The following MSRA variants were observed in gnomAD, a reference collection of about 807,000 sequenced individuals.
MSRA encodes methionine sulfoxide reductase A, also known as mitochondrial peptide methionine sulfoxide reductase.
Under a neutral mutation model 31.3 loss-of-function variants are expected in MSRA, and 54 were observed. The observed-to-expected ratio is 1.73, with a 90% CI of 1.39 to 2.17. The LOEUF is 2.17. Ranked by LOEUF, MSRA falls within the 30% of genes most tolerant of loss-of-function variation. The pLI is 0.00. For missense variants in MSRA, 507 were observed against 300.9 expected, an observed-to-expected ratio of 1.69 and a Z score of -5.07; for synonymous variants, 169 against 116.5, an observed-to-expected ratio of 1.45 and a Z score of -2.90.
At chr8:10,199,016 A>G (rs878910584) in intron 1 of MSRA, among the ~76,000 whole-genome samples, 2 of 152,186 alleles carry the variant, frequency 1.3e-5, no homozygotes, top group South Asian at 2.1e-4. Flanking sequence ...CTCTTTTGAG[A>G]CTGAGCATCT....
At chr8:10,105,814 C>T (rs934833821) in intron 1 of MSRA, among the ~76,000 whole-genome samples, 4 of 152,100 alleles carry the variant, frequency 2.6e-5, no homozygotes, top group African/African-American at 9.7e-5. Flanking sequence ...ACTTATTCAC[C>T]GACTTTGCTC....
intron 3 of MSRA, among the ~76,000 whole-genome samples, chr8:10,256,623 A>G (rs1441986617): frequency 1.3e-5 from 2 of 152,174 alleles, no homozygotes; most frequent in Non-Finnish European, 2.9e-5. Context: ...CCACATAAGT[A>G]AGAAGAATTC....
chr8:10,408,206 G>A (rs546556668), intron 5 of MSRA, among the ~76,000 whole-genome samples: 2 of 152,144 alleles, frequency 1.3e-5, no homozygotes, highest in Non-Finnish European at 2.9e-5. Context: ...TCATTCATTA[G>A]CACCACTCTG....
At chr8:10,195,119 A>C (rs1406353608) in intron 1 of MSRA, among the ~76,000 whole-genome samples, 1 of 152,244 alleles carries the variant, frequency 6.6e-6, no homozygotes. Flanking sequence ...TATTTTATGC[A>C]AACTGTTAGG....
chr8:10,242,801 A>G (rs941964342), intron 2 of MSRA, among the ~76,000 whole-genome samples: 3 of 152,160 alleles, frequency 2.0e-5, no homozygotes, highest in African/African-American at 7.2e-5. Context: ...CCGCTAGTTG[A>G]AATGTTGCTT....
chr8:10,104,250 C>T (rs75954936), intron 1 of MSRA, among the ~76,000 whole-genome samples: 84 of 152,252 alleles, frequency 5.5e-4, no homozygotes, highest in African/African-American at 1.9e-3. Context: ...AGTAATGCCA[C>T]GCCATTCTCC....
chr8:10,219,972 C>G (rs1001803908), intron 2 of MSRA, among the ~76,000 whole-genome samples: 2 of 151,418 alleles, frequency 1.3e-5, no homozygotes, highest in Non-Finnish European at 2.9e-5. Flanking sequence ...CCACTGAAAG[C>G]CTAAGAAGTG....
chr8:10,136,758 C>T (rs1378145532), intron 1 of MSRA, among the ~76,000 whole-genome samples: 2 of 152,212 alleles, frequency 1.3e-5, no homozygotes, highest in South Asian at 2.1e-4. Flanking sequence ...CGGGTCCCCT[C>T]CTTGCAGGAC....
chr8:10,112,113 G>T (rs1800335252), intron 1 of MSRA, among the ~76,000 whole-genome samples: 1 of 151,556 alleles, frequency 6.6e-6, no homozygotes, highest in African/African-American at 2.4e-5. Context: ...AGTCACCTCT[G>T]ACACCCAAGT....
Position 10,285,124 on chromosome 8 carries a change from C to A in MSRA, c.332-16410C>A, listed in dbSNP as rs142439102. Among the ~76,000 whole-genome samples, 533 of 152,086 alleles carry A rather than the reference C, an allele frequency of 3.5e-3. 10 individuals are homozygous for A. Among genetic ancestry groups the A allele is most frequent in the Non-Finnish European group, 5.7e-3 (386 of 67,994 alleles). On this transcript the variant is annotated intron_variant, in intron 3 of 5. Transcript: ENST00000317173. The stretch of plus-strand genomic sequence containing the variant: ...GCAGTATGGAGCCCATTCCCTTCGT[C>A]GTGCAGTCATCACCACCATCCACTC...
At chr8:10,399,690 A>C (rs13274186) in intron 5 of MSRA, among the ~76,000 whole-genome samples, 152,315 of 152,326 alleles carry the variant, frequency 1, 76,152 homozygotes, top group Non-Finnish European at 1. Flanking sequence ...AATGGCCTAA[A>C]ACAATAGGCT....
intron 2 of MSRA, among the ~76,000 whole-genome samples, chr8:10,215,177 A>C (rs1392093109): frequency 6.6e-6 from 1 of 152,224 alleles, no homozygotes; most frequent in Non-Finnish European, 1.5e-5. Flanking sequence ...AACTTCTCCC[A>C]TTTCGGTTGT....
chr8:10,175,514 T>C (rs183389885), intron 1 of MSRA, among the ~76,000 whole-genome samples: 37 of 152,316 alleles, frequency 2.4e-4, no homozygotes, highest in African/African-American at 7.9e-4. Context: ...AGTCTGATGA[T>C]CTTAAAAGTA....
chr8:10,144,828 T>A (rs940656476), intron 1 of MSRA, among the ~76,000 whole-genome samples: 1 of 152,172 alleles, frequency 6.6e-6, no homozygotes, highest in Non-Finnish European at 1.5e-5. Context: ...GATTGGCACA[T>A]CTGACTGTGC....
At chr8:10,148,474 C>G (rs914374095) in intron 1 of MSRA, among the ~76,000 whole-genome samples, 4 of 151,822 alleles carry the variant, frequency 2.6e-5, no homozygotes, top group African/African-American at 2.4e-5. Flanking sequence ...TGATGAAACC[C>G]CATCTCTACT....
chr8:10,095,287 G>A (rs1309107991), intron 1 of MSRA, among the ~76,000 whole-genome samples: 1 of 152,190 alleles, frequency 6.6e-6, no homozygotes. Context: ...TTGCTGAGCA[G>A]TGAATGGCTT....
At chr8:10,075,162 G>A (rs781149322) in intron 1 of MSRA, among the ~76,000 whole-genome samples, 2 of 152,004 alleles carry the variant, frequency 1.3e-5, no homozygotes, top group South Asian at 2.1e-4. Context: ...CTGTATAATG[G>A]CATTGCAAAT....
chr8:10,333,740 G>A (rs984723437), intron 5 of MSRA, among the ~76,000 whole-genome samples: 1 of 150,040 alleles, frequency 6.7e-6, no homozygotes, highest in African/African-American at 2.5e-5. Flanking sequence ...CTCCATGTTC[G>A]CATCACGCTT....
intron 1 of MSRA, among the ~76,000 whole-genome samples, chr8:10,184,737 A>T (rs1406989379): frequency 6.6e-6 from 1 of 152,196 alleles, no homozygotes; most frequent in Non-Finnish European, 1.5e-5. Flanking sequence ...AATTTGGTGG[A>T]TGAAGAGATC....
Sources: gnomAD v4.1 joint callset for allele counts (sites outside exome capture counted in the v4.1 genomes callset) on GRCh38, gnomAD v4.1.1 for gene constraint, MANE v1.5 for transcripts, NCBI Gene and HGNC (gene_info 2026-07-23, HGNC 2026-07-21) for gene names.